Variants in SDK1 observed in about 807,000 individuals in gnomAD.
SDK1 encodes protein sidekick-1.
SDK1 carries 157 observed loss-of-function variants against 245.5 expected under a neutral mutation model. The ratio of observed to expected loss-of-function variants is 0.64; its 90% confidence interval spans 0.56 to 0.73. The LOEUF (loss-of-function observed/expected upper bound fraction) is 0.73, where lower values mean the gene tolerates loss of function less well. SDK1 is among the 30% of genes least tolerant of loss of function. The pLI is 0.00. For synonymous variants in SDK1, 1,647 were observed against 1,278.5 expected (o/e 1.29, Z -6.15); for missense variants, 3,583 against 3,002.3 (o/e 1.19, Z -4.52).
At chr7:3,357,760 A>G (rs561562381) in intron 1 of SDK1, among the ~76,000 whole-genome samples, 4 of 152,238 alleles carry the variant, frequency 2.6e-5, no homozygotes, top group African/African-American at 9.6e-5. Flanking sequence ...ACACAGAAAC[A>G]AAGTCCCCAG....
chr7:3,858,440 A>G (rs1313969936), intron 5 of SDK1, among the ~76,000 whole-genome samples: 1 of 151,576 alleles, frequency 6.6e-6, no homozygotes, highest in South Asian at 2.1e-4. Flanking sequence ...ACATGTATAT[A>G]CATCTAAGTG....
intron 1 of SDK1, among the ~76,000 whole-genome samples, chr7:3,497,716 T>G (rs1303238377): frequency 6.6e-6 from 1 of 152,216 alleles, no homozygotes; most frequent in Non-Finnish European, 1.5e-5. Context: ...ATCACATACC[T>G]TGATAAACCC....
intron 1 of SDK1, among the ~76,000 whole-genome samples, chr7:3,404,313 T>C (rs953813255): frequency 1.3e-5 from 2 of 152,214 alleles, no homozygotes; most frequent in African/African-American, 2.4e-5. Context: ...AAATAACTTA[T>C]ATTAATAGCT....
intron 4 of SDK1, among the ~76,000 whole-genome samples, chr7:3,786,163 C>T (rs1037959811): frequency 3.3e-5 from 5 of 152,278 alleles, no homozygotes; most frequent in Admixed American, 6.5e-5. Context: ...CTCTTTTACT[C>T]TTTCCCTTCT....
At chr7:3,614,817 T>TGGTCTGTCACCCAC (rs1554297875) in intron 1 of SDK1, among the ~76,000 whole-genome samples, 1 of 151,926 alleles carries the variant, frequency 6.6e-6, no homozygotes. Context: ...CCCTTCTCCT[T>TGGTCTGTCACCCAC]ATAATGAATG....
intron 31 of SDK1, 129 bp downstream of exon 31, chr7:4,158,680 A>G (rs1780926057): frequency 4.7e-6 from 3 of 641,534 alleles, no homozygotes; most frequent in Non-Finnish European, 8.3e-6. Flanking sequence ...GAATTCCATT[A>G]GTGACAGACA....
intron 22 of SDK1, among the ~76,000 whole-genome samples, chr7:4,098,894 A>T (rs1782348560): frequency 7.2e-6 from 1 of 138,544 alleles, no homozygotes; most frequent in Admixed American, 7.6e-5. Context: ...GCTGGTCTCA[A>T]ATTCCTGAGC....
At chr7:3,584,696 C>T (rs942153576) in intron 1 of SDK1, among the ~76,000 whole-genome samples, 1 of 151,460 alleles carries the variant, frequency 6.6e-6, no homozygotes, top group East Asian at 1.9e-4. Flanking sequence ...GGTCTGTGCC[C>T]TTGCTGAAAT....
intron 4 of SDK1, among the ~76,000 whole-genome samples, chr7:3,718,977 C>T (rs955651758): frequency 2.6e-5 from 4 of 152,120 alleles, no homozygotes; most frequent in Admixed American, 1.3e-4. Context: ...TATATAATAA[C>T]GCGTGGAAAC....
At chr7:4,154,523 G>A (rs1003123365) in intron 30 of SDK1, among the ~76,000 whole-genome samples, 16 of 152,136 alleles carry the variant, frequency 1.1e-4, no homozygotes, top group African/African-American at 3.9e-4. Context: ...GTGGCTTCCT[G>A]GGGACAAGTG....
chr7:3,741,987 C>CATATAT (rs142076799), intron 4 of SDK1, among the ~76,000 whole-genome samples: 3,018 of 132,044 alleles, frequency 0.023, 74 homozygotes, highest in East Asian at 0.11. Flanking sequence ...TTGTAGTGTG[C>CATATAT]ATATATATAT....
At chr7:3,788,203 C>T (rs1324549711) in intron 4 of SDK1, among the ~76,000 whole-genome samples, 1 of 152,214 alleles carries the variant, frequency 6.6e-6, no homozygotes. Flanking sequence ...GTGTCCCCGC[C>T]TCTCAACAGT....
At chr7:3,532,175 T>C (rs915767459) in intron 1 of SDK1, among the ~76,000 whole-genome samples, 2 of 152,216 alleles carry the variant, frequency 1.3e-5, no homozygotes, top group South Asian at 2.1e-4. Flanking sequence ...GACTACTGTT[T>C]TTTCCACCTC....
chr7:3,323,806 G>T (rs1779876408), intron 1 of SDK1, among the ~76,000 whole-genome samples: 1 of 152,190 alleles, frequency 6.6e-6, no homozygotes, highest in South Asian at 2.1e-4. Flanking sequence ...TTAGTTACAG[G>T]TTCCAGAGTA....
intron 25 of SDK1, among the ~76,000 whole-genome samples, chr7:4,122,041 C>T (rs1305817744): frequency 6.6e-6 from 1 of 152,200 alleles, no homozygotes. Context: ...CCTCTTAGAC[C>T]AGTCTCTCTT....
In SDK1 at chr7:3,868,091, G is replaced by A. The variant is rs190312382; in HGVS notation, c.847+46508G>A. 2.6e-4 allele frequency among the ~76,000 whole-genome samples: 40 copies of A among 152,300 alleles called. No individual in the cohort carries two copies. In the East Asian group the frequency reaches 7.3e-3, roughly 28 times the overall value. On this transcript the variant is annotated intron_variant, in intron 5 of 44. Transcript: ENST00000404826. Reference sequence around the variant, plus strand: ...TATTTGGCTGCCATCATGAAGGACTGCAGCTGTGTGGCGTGGAAAGTTCAA... The same window carrying A: ...TATTTGGCTGCCATCATGAAGGACTACAGCTGTGTGGCGTGGAAAGTTCAA...
intron 5 of SDK1, among the ~76,000 whole-genome samples, chr7:3,865,873 T>A (rs542485318): frequency 2.6e-5 from 4 of 152,076 alleles, no homozygotes; most frequent in Non-Finnish European, 4.4e-5. Context: ...CCAACATCTT[T>A]TCAGAAGTTA....
intron 1 of SDK1, among the ~76,000 whole-genome samples, chr7:3,420,944 C>G (rs1346170036): frequency 6.6e-6 from 1 of 152,106 alleles, no homozygotes; most frequent in Non-Finnish European, 1.5e-5. Flanking sequence ...TGTGTTGTTC[C>G]CCTCCCTGTG....
intron 5 of SDK1, among the ~76,000 whole-genome samples, chr7:3,897,745 CTGTGTG>C (rs56863215): frequency 0.015 from 2,230 of 150,168 alleles, 56 homozygotes; most frequent in African/African-American, 0.051. Context: ...GTTTTTACAG[CTGTGTG>C]TGTGTGTGTG....
Sources: gnomAD v4.1 joint callset for allele counts (sites outside exome capture counted in the v4.1 genomes callset) on GRCh38, gnomAD v4.1.1 for gene constraint, MANE v1.5 for transcripts, NCBI Gene and HGNC (gene_info 2026-07-23, HGNC 2026-07-21) for gene names.